The following ESR1 variants were observed in gnomAD, a reference collection of about 807,000 sequenced individuals.
The protein encoded by ESR1 is estrogen receptor.
A neutral mutation model predicts 52.7 loss-of-function variants in ESR1; 12 were observed. The observed-to-expected ratio is 0.23, with a 90% CI of 0.15 to 0.37. ESR1 has a LOEUF of 0.37. ESR1 is among the 10% of genes least tolerant of loss of function. The pLI is 1.00. For missense variants in ESR1, 584 were observed against 779.7 expected (o/e 0.75, Z 2.99); for synonymous variants, 305 against 316.8 (o/e 0.96, Z 0.39).
At chr6:152,031,046 C>A (rs1448615141) in intron 5 of ESR1, among the ~76,000 whole-genome samples, 3 of 152,094 alleles carry the variant, frequency 2.0e-5, no homozygotes, top group African/African-American at 7.2e-5. Context: ...CTACTGGGTA[C>A]ATAACGAAAT....
intron 5 of ESR1, among the ~76,000 whole-genome samples, chr6:152,058,592 T>C (rs1048403627): frequency 2.0e-5 from 3 of 152,172 alleles, no homozygotes; most frequent in Non-Finnish European, 2.9e-5. Context: ...TTCTTCAATA[T>C]TGAGATGGGT....
chr6:151,664,920 A>T (rs1316268871), intron 1 of ESR1, among the ~76,000 whole-genome samples: 1 of 152,224 alleles, frequency 6.6e-6, no homozygotes, highest in Non-Finnish European at 1.5e-5. Flanking sequence ...TTTTATTATT[A>T]TGACAAGTTG....
rs548474862 is a variant in ESR1 at position 151,715,061 on chromosome 6, G to C, written c.-71+13056G>C. Among the ~76,000 whole-genome samples the C allele has an allele frequency of 5.3e-5, 8 of 152,294 alleles. No individual in the cohort carries two copies. In the South Asian group the frequency reaches 1.7e-3, roughly 32 times the overall value. On this transcript the variant is annotated intron_variant, in intron 2 of 2. Transcript: ENST00000404742. ...TGAGAAAATCTCTCAGCATTTGCTT[G>C]TCTGTAAAGGATCTTATTTCTCTTT...
intron 2 of ESR1, among the ~76,000 whole-genome samples, chr6:151,720,035 A>T (rs749235812): frequency 2.7e-4 from 41 of 152,236 alleles, no homozygotes; most frequent in Non-Finnish European, 5.1e-4. Flanking sequence ...TTAGTAGTTG[A>T]TAATAATAAA....
intron 3 of ESR1, among the ~76,000 whole-genome samples, chr6:151,943,197 G>A (rs578025333): frequency 3.9e-5 from 6 of 152,038 alleles, no homozygotes; most frequent in Non-Finnish European, 8.8e-5. Context: ...TGGCTAACAC[G>A]GCGAAACCCC....
Position 151,792,896 on chromosome 6 carries a change from T to G in ESR1, c.-70-14947T>G, listed in dbSNP as rs552489244. 2.0e-5 allele frequency among the ~76,000 whole-genome samples: 3 copies of G among 152,192 alleles called. No homozygotes were observed. In the South Asian group the frequency reaches 6.2e-4, roughly 32 times the overall value. The stretch of plus-strand genomic sequence containing the variant: ...GTTTTTAAAAATGTTTTAGTCTGAG[T>G]GCGGGGGCTCACGCCTGTAATCCTA... On this transcript the variant is annotated intron_variant, in intron 2 of 2. Transcript: ENST00000404742.
chr6:152,059,121 G>C (rs1005692582), intron 5 of ESR1, among the ~76,000 whole-genome samples: 1 of 152,042 alleles, frequency 6.6e-6, no homozygotes, highest in Admixed American at 6.6e-5. Context: ...ACAACATTGT[G>C]AATATACTGA....
At chr6:151,852,426 C>A (rs1354016585) in intron 2 of ESR1, among the ~76,000 whole-genome samples, 3 of 152,098 alleles carry the variant, frequency 2.0e-5, no homozygotes, top group African/African-American at 7.2e-5. Context: ...CTTACCAAAC[C>A]TTGTAAGAAA....
intron 1 of ESR1, among the ~76,000 whole-genome samples, chr6:151,839,349 T>C (rs1010160994): frequency 6.6e-6 from 1 of 152,174 alleles, no homozygotes; most frequent in Non-Finnish European, 1.5e-5. Flanking sequence ...AGAGTAAGTG[T>C]TGGAGAGGAT....
chr6:151,942,974 CT>C (rs983653687), intron 3 of ESR1, among the ~76,000 whole-genome samples: 9 of 152,072 alleles, frequency 5.9e-5, no homozygotes, highest in Non-Finnish European at 1.3e-4. Flanking sequence ...ACAGTATGGC[CT>C]TTTTCAGGTT....
chr6:151,963,852 A>G (rs1219155181), intron 4 of ESR1, among the ~76,000 whole-genome samples: 1 of 152,206 alleles, frequency 6.6e-6, no homozygotes, highest in Non-Finnish European at 1.5e-5. Context: ...TGGATTTTTA[A>G]TAGGGCATAA....
intron 5 of ESR1, among the ~76,000 whole-genome samples, chr6:152,038,758 G>A (rs2045535501): frequency 6.6e-6 from 1 of 152,176 alleles, no homozygotes; most frequent in East Asian, 1.9e-4. Flanking sequence ...AGCCTCCCGA[G>A]TAGCTGGGAT....
At chr6:151,679,656 T>C (rs79876012) in intron 1 of ESR1, among the ~76,000 whole-genome samples, 2,113 of 152,310 alleles carry the variant, frequency 0.014, 23 homozygotes, top group East Asian at 0.021. Flanking sequence ...CAACCCCTTT[T>C]GGCTGGCCCA....
At chr6:151,856,953 C>T (rs1343734722) in intron 2 of ESR1, among the ~76,000 whole-genome samples, 1 of 152,144 alleles carries the variant, frequency 6.6e-6, no homozygotes, top group Non-Finnish European at 1.5e-5. Flanking sequence ...CTCTGGGTAA[C>T]ATTTATTGCT....
intron 1 of ESR1, among the ~76,000 whole-genome samples, chr6:151,680,205 T>TA (rs1037086502): frequency 7.6e-5 from 2 of 26,354 alleles, no homozygotes; most frequent in Non-Finnish European, 1.4e-4. Context: ...TTCTTTTCTC[T>TA]TTTTTTTTTT....
In ESR1 at chr6:152,073,635, G is replaced by A. The variant is rs563147572; in HGVS notation, c.1369+12511G>A. 2.0e-5 allele frequency among the ~76,000 whole-genome samples: 3 copies of A among 152,328 alleles called. No individual in the cohort carries two copies. In the South Asian group the frequency reaches 6.2e-4, roughly 32 times the overall value. On this transcript the variant is annotated intron_variant, in intron 6 of 7. Coordinates refer to ENST00000206249, the MANE Select transcript of ESR1 (RefSeq NM_000125.4). ...ATTAGTTTTCTCAAATATCTCTGGA[G>A]GCGAGTCTGTTGGCAGTCATTTCTA...
At chr6:151,998,797 T>C (rs1416315840) in intron 4 of ESR1, among the ~76,000 whole-genome samples, 1 of 152,134 alleles carries the variant, frequency 6.6e-6, no homozygotes, top group African/African-American at 2.4e-5. Context: ...AAAGTTTAGG[T>C]ATCCTTCCCC....
intron 3 of ESR1, among the ~76,000 whole-genome samples, chr6:151,923,077 AC>A (rs1488196290): frequency 6.6e-6 from 1 of 152,150 alleles, no homozygotes; most frequent in African/African-American, 2.4e-5. Context: ...GTTAATCTGT[AC>A]TCATGTACGA....
At chr6:152,129,270 C>T (rs1268141413) in exon 7 of ESR1, 1 of 152,388 alleles carries the variant, frequency 6.6e-6, no homozygotes, top group East Asian at 1.9e-4. Context: ...TGCATCATAA[C>T]ATAAGCGCTT....
Sources: gnomAD v4.1 joint callset for allele counts (sites outside exome capture counted in the v4.1 genomes callset) on GRCh38, gnomAD v4.1.1 for gene constraint, MANE v1.5 for transcripts, NCBI Gene and HGNC (gene_info 2026-07-23, HGNC 2026-07-21) for gene names.